Variants in AGBL4 observed in about 807,000 individuals in gnomAD.
AGBL4 encodes AGBL carboxypeptidase 4, also known as cytosolic carboxypeptidase 6.
Under a neutral mutation model 66.4 loss-of-function variants are expected in AGBL4, and 58 were observed. The ratio of observed to expected loss-of-function variants is 0.87; its 90% CI spans 0.71 to 1.09. The LOEUF is 1.09. Ranked by LOEUF, AGBL4 falls within the 50% of genes least tolerant of loss-of-function variation. The pLI is 0.00. For synonymous variants in AGBL4, 234 were observed against 222.9 expected (o/e 1.05, Z -0.44); for missense variants, 579 against 631.0 (o/e 0.92, Z 0.88).
intron 11 of AGBL4, among the ~76,000 whole-genome samples, chr1:48,549,919 A>T (rs778253770): frequency 6.6e-6 from 1 of 152,180 alleles, no homozygotes; most frequent in Non-Finnish European, 1.5e-5. Flanking sequence ...GATGCATAAG[A>T]CTGAAATAGA....
chr1:48,539,463 T>A (rs1327975549), intron 12 of AGBL4, among the ~76,000 whole-genome samples, 179 bp downstream of exon 12: 1 of 151,950 alleles, frequency 6.6e-6, no homozygotes, highest in Non-Finnish European at 1.5e-5. Context: ...TAATGACACT[T>A]TCTTTATGCT....
chr1:49,565,149 A>G (rs934918543), intron 3 of AGBL4, among the ~76,000 whole-genome samples: 7 of 151,298 alleles, frequency 4.6e-5, no homozygotes, highest in Non-Finnish European at 8.8e-5. Context: ...TTTGTTTTCC[A>G]TTTGCTTGGT....
At chr1:49,096,816 C>T (rs1245327813) in intron 4 of AGBL4, among the ~76,000 whole-genome samples, 1 of 151,470 alleles carries the variant, frequency 6.6e-6, no homozygotes, top group African/African-American at 2.4e-5. Context: ...TTATGCACAT[C>T]TACCCTAAAA....
intron 4 of AGBL4, among the ~76,000 whole-genome samples, chr1:49,238,335 A>G (rs969550764): frequency 1.3e-5 from 2 of 152,194 alleles, no homozygotes; most frequent in African/African-American, 4.8e-5. Flanking sequence ...TTAGCATCCC[A>G]TAGGTCCCTG....
intron 1 of AGBL4, among the ~76,000 whole-genome samples, chr1:49,889,978 A>C (rs949333374): frequency 2.0e-5 from 3 of 152,216 alleles, no homozygotes; most frequent in African/African-American, 7.2e-5. Context: ...AAGTTTAAAG[A>C]GGTGAAAATT....
In AGBL4 at chr1:48,689,424, CCTTT is replaced by C. The variant is rs1421187640; in HGVS notation, c.635-26187_635-26184del. 8.1e-3 allele frequency among the ~76,000 whole-genome samples: 1,197 copies of C among 148,628 alleles called. 21 individuals carry two copies. Among genetic ancestry groups the C allele is most frequent in the African/African-American group, 0.028 (1,096 of 38,718 alleles). On this transcript the variant is annotated intron_variant, in intron 6 of 13. Transcript: ENST00000371839. The stretch of plus-strand genomic sequence containing the variant: ...ACCTACCTTCCTTCCTTCCTTCCTT[CCTTT>C]CTTCTTTCCTTCCCTCCCTCCCTCC...
At chr1:49,708,131 A>G (rs565610453) in intron 2 of AGBL4, among the ~76,000 whole-genome samples, 19 of 152,252 alleles carry the variant, frequency 1.2e-4, no homozygotes, top group African/African-American at 3.8e-4. Context: ...CTCCTGGATA[A>G]TATCCTGAAG....
At chr1:48,686,810 A>C (rs1159048149) in intron 6 of AGBL4, among the ~76,000 whole-genome samples, 1 of 152,192 alleles carries the variant, frequency 6.6e-6, no homozygotes, top group African/African-American at 2.4e-5. Flanking sequence ...CACACAGTGT[A>C]GGATTCAACT....
intron 3 of AGBL4, among the ~76,000 whole-genome samples, chr1:49,344,909 T>C (rs1199246279): frequency 6.6e-6 from 1 of 152,320 alleles, no homozygotes. Flanking sequence ...TTTCACCTTT[T>C]CAGAATCTTT....
intron 4 of AGBL4, among the ~76,000 whole-genome samples, chr1:49,121,826 T>C (rs979241092): frequency 9.2e-5 from 14 of 152,238 alleles, no homozygotes; most frequent in Admixed American, 5.2e-4. Context: ...GTGGAGTCTA[T>C]AGAGGCAGCA....
chr1:49,942,853 A>C (rs1232856741), intron 1 of AGBL4, among the ~76,000 whole-genome samples: 1 of 152,180 alleles, frequency 6.6e-6, no homozygotes, highest in African/African-American at 2.4e-5. Context: ...CAAAAAAATC[A>C]ACTGAGTGAC....
At chr1:48,811,374 C>G (rs946817785) in intron 6 of AGBL4, among the ~76,000 whole-genome samples, 12 of 152,202 alleles carry the variant, frequency 7.9e-5, no homozygotes, top group African/African-American at 2.9e-4. Flanking sequence ...GCCAGGACCT[C>G]AGACTCAAGC....
At chr1:49,058,410 T>C (rs1400974317) in intron 4 of AGBL4, among the ~76,000 whole-genome samples, 1 of 152,224 alleles carries the variant, frequency 6.6e-6, no homozygotes, top group East Asian at 1.9e-4. Context: ...TCAGCAATCC[T>C]CCTTCTTGCC....
intron 3 of AGBL4, among the ~76,000 whole-genome samples, chr1:49,409,204 T>C (rs559711471): frequency 4.7e-5 from 7 of 150,286 alleles, no homozygotes; most frequent in Non-Finnish European, 7.4e-5. Flanking sequence ...ACTAATGAAA[T>C]TGATACCAAT....
At position 49,252,526 on chromosome 1, in the gene AGBL4, A is replaced by T. The variant is rs991570695; in HGVS notation, c.283-6662T>A. Among the ~76,000 whole-genome samples the T allele has an allele frequency of 2.0e-5, 3 of 152,356 alleles. No individual in the cohort carries two copies. The South Asian group carries it at 6.2e-4, about 32-fold the overall frequency. ...ATTAGAACTTCCACAACTTATCTAG[A>T]GAGACCAACATTCAAATTCAGGAAA... On this transcript the variant is annotated intron_variant, in intron 3 of 13. Transcript: ENST00000371839.
chr1:48,999,937 T>C (rs572707547), intron 5 of AGBL4, among the ~76,000 whole-genome samples: 3 of 152,240 alleles, frequency 2.0e-5, no homozygotes, highest in East Asian at 3.9e-4. Flanking sequence ...AGAAATAGAC[T>C]AGTTCTTTTC....
intron 4 of AGBL4, among the ~76,000 whole-genome samples, chr1:49,205,545 G>A (rs574670225): frequency 5.8e-4 from 89 of 152,178 alleles, no homozygotes; most frequent in Non-Finnish European, 2.2e-4. Context: ...TGGTGTGGGA[G>A]TGTAAGTAGG....
At chr1:49,083,570 G>C (rs779729286) in intron 4 of AGBL4, among the ~76,000 whole-genome samples, 1 of 152,182 alleles carries the variant, frequency 6.6e-6, no homozygotes, top group East Asian at 1.9e-4. Flanking sequence ...AAGAGCGGGG[G>C]GCCCTGGGCC....
chr1:49,693,436 CAG>C (rs1231045000), intron 3 of AGBL4, among the ~76,000 whole-genome samples: 1 of 151,900 alleles, frequency 6.6e-6, no homozygotes, highest in African/African-American at 2.4e-5. Context: ...CTTTTGATAA[CAG>C]AAAATTGTCT....
Sources: gnomAD v4.1 joint callset for allele counts (sites outside exome capture counted in the v4.1 genomes callset) on GRCh38, gnomAD v4.1.1 for gene constraint, MANE v1.5 for transcripts, NCBI Gene and HGNC (gene_info 2026-07-23, HGNC 2026-07-21) for gene names.